The following DNAH6 variants were observed in gnomAD, a reference collection of about 807,000 sequenced individuals.
DNAH6 encodes the protein axonemal beta dynein heavy chain 6.
In DNAH6, 340 loss-of-function variants were observed where a neutral mutation model predicts 491.4. That is an observed-to-expected ratio of 0.69 (90% CI 0.63 to 0.76). The LOEUF is 0.76. Ranked by LOEUF, DNAH6 falls within the 30% of genes least tolerant of loss-of-function variation. The probability of loss-of-function intolerance (pLI) is 0.00; values close to 1 mark genes in which losing one functional copy is unlikely to be tolerated. For synonymous variants in DNAH6, 1,603 were observed against 1,686.1 expected (o/e 0.95, Z 1.21); for missense variants, 4,443 against 4,972.2 (o/e 0.89, Z 3.20).
At chr2:84,737,940 T>G (rs978424402) in intron 62 of DNAH6, among the ~76,000 whole-genome samples, 1 of 152,110 alleles carries the variant, frequency 6.6e-6, no homozygotes, top group Non-Finnish European at 1.5e-5. Context: ...TTTGAGACCT[T>G]TCTAACTTCT....
chr2:84,503,755 A>G, the DNAH6 span, among the ~76,000 whole-genome samples: 9 of 151,974 alleles, frequency 5.9e-5, 1 homozygote, highest in Non-Finnish European at 1.3e-4. Context: ...TTCCATGGAA[A>G]AGTCTCCTGG....
chr2:84,632,901 C>G (rs964330025), intron 29 of DNAH6, among the ~76,000 whole-genome samples: 1 of 152,082 alleles, frequency 6.6e-6, no homozygotes, highest in Non-Finnish European at 1.5e-5. Context: ...CCAAAGTTGC[C>G]CGTTAGTTTA....
At chr2:84,630,566 A>G (rs911750507) in intron 29 of DNAH6, among the ~76,000 whole-genome samples, 5 of 152,198 alleles carry the variant, frequency 3.3e-5, no homozygotes, top group African/African-American at 1.2e-4. Flanking sequence ...TTCAAAAATA[A>G]ATTGCATAAA....
At chr2:84,695,039 T>C (rs1695240920) in intron 46 of DNAH6, among the ~76,000 whole-genome samples, 1 of 152,162 alleles carries the variant, frequency 6.6e-6, no homozygotes, top group African/African-American at 2.4e-5. Flanking sequence ...ATAGATTTGA[T>C]GCATAAATGT....
At chr2:84,654,224 G>T in intron 34 of DNAH6, among the ~76,000 whole-genome samples, 1 of 152,082 alleles carries the variant, frequency 6.6e-6, no homozygotes, top group East Asian at 1.9e-4. Context: ...ATCCCACCAT[G>T]ATATGAATAT....
At chr2:84,569,478 T>TA (rs1235323749) in intron 11 of DNAH6, among the ~76,000 whole-genome samples, 3 of 151,948 alleles carry the variant, frequency 2.0e-5, no homozygotes, top group Non-Finnish European at 2.9e-5. Context: ...ATATAGTTCT[T>TA]AAAAAATCAA....
intron 40 of DNAH6, among the ~76,000 whole-genome samples, chr2:84,674,634 T>G (rs189395753): frequency 6.6e-6 from 1 of 152,264 alleles, no homozygotes; most frequent in Non-Finnish European, 1.5e-5. Flanking sequence ...AACAAAGCAG[T>G]CTTTTGCATA....
At chr2:84,507,722 T>C in the DNAH6 span, among the ~76,000 whole-genome samples, 1 of 152,236 alleles carries the variant, frequency 6.6e-6, no homozygotes. Flanking sequence ...ATAGCTCTTA[T>C]TATTTTGAGA....
intron 40 of DNAH6, 92 bp from the exon 41 acceptor site, chr2:84,676,913 C>T: frequency 7.1e-7 from 1 of 1,402,188 alleles, no homozygotes; most frequent in African/African-American, 1.4e-5. Flanking sequence ...AAATGTAATG[C>T]AATGCTGGCA....
chr2:84,727,342 A>G (rs1056088212), intron 60 of DNAH6, among the ~76,000 whole-genome samples: 1 of 152,156 alleles, frequency 6.6e-6, no homozygotes, highest in African/African-American at 2.4e-5. Flanking sequence ...TTCATAGTAC[A>G]GTAAGTCCTC....
intron 64 of DNAH6, among the ~76,000 whole-genome samples, chr2:84,765,545 G>T (rs1307583228): frequency 6.6e-6 from 1 of 152,046 alleles, no homozygotes; most frequent in Non-Finnish European, 1.5e-5. Flanking sequence ...GTGGTTTCAT[G>T]TAAGTGTTAA....
intron 38 of DNAH6, among the ~76,000 whole-genome samples, 172 bp from the exon 39 acceptor site, chr2:84,670,156 G>T (rs1289966112): frequency 3.3e-5 from 5 of 152,140 alleles, no homozygotes; most frequent in African/African-American, 1.2e-4. Flanking sequence ...ATATCTCTTT[G>T]GTTCTGAAAA....
chr2:84,553,157 G>A (rs1558702107), intron 10 of DNAH6, 123 bp downstream of exon 10: 4 of 626,646 alleles, frequency 6.4e-6, no homozygotes, highest in Non-Finnish European at 8.5e-6. Flanking sequence ...ATGAGAAAGA[G>A]AGAAAGCATT....
At chr2:84,509,077 A>G in the DNAH6 span, among the ~76,000 whole-genome samples, 2 of 152,154 alleles carry the variant, frequency 1.3e-5, no homozygotes, top group Non-Finnish European at 2.9e-5. Context: ...GTAGATGTCT[A>G]TTAGGTCCAC....
intron 37 of DNAH6, among the ~76,000 whole-genome samples, chr2:84,665,773 C>A (rs1692058775): frequency 6.6e-6 from 1 of 152,086 alleles, no homozygotes; most frequent in Non-Finnish European, 1.5e-5. Flanking sequence ...ATCCTGACAC[C>A]AAAGCCTGGC....
chr2:84,519,583 C>T (rs1309578324), intron 2 of DNAH6, among the ~76,000 whole-genome samples: 1 of 151,278 alleles, frequency 6.6e-6, no homozygotes, highest in African/African-American at 2.4e-5. Flanking sequence ...CTGCCTTCTC[C>T]TCTCCCTTTC....
chr2:84,816,662 G>T, intron 76 of DNAH6, among the ~76,000 whole-genome samples: 1 of 152,214 alleles, frequency 6.6e-6, no homozygotes, highest in East Asian at 1.9e-4. Flanking sequence ...GGCGGAGGTT[G>T]CAGTGAGCCA....
intron 17 of DNAH6, 89 bp downstream of exon 17, chr2:84,594,174 C>G (rs1353878919): frequency 1.0e-5 from 6 of 578,068 alleles, no homozygotes; most frequent in Non-Finnish European, 1.1e-5. Flanking sequence ...TTTTAACAAT[C>G]TGGTGCTTTT....
At position 84,621,512 on chromosome 2, in the gene DNAH6, T is replaced by G; in HGVS notation, c.4032T>G (p.His1344Gln). Residue 1344 changes from histidine (H) to glutamine (Q), a missense_variant, in exon 26 of 77, where the codon CAT becomes CAG. This residue lies in a region of DNAH6 where 2,977 missense variants were observed against 3,296.6 expected (regional missense o/e 0.90). Coordinates refer to ENST00000389394, the MANE Select transcript of DNAH6 (RefSeq NM_001370.2). Reference protein sequence around the residue: ...TECLETEHSNHIQALKNFEKV... With the variant: ...TECLETEHSNQIQALKNFEKV... ...GTCTGGAAACAGAACACAGTAATCA[T>G]ATACAGGCCCTGAAGAATTTTGAAA... 6.5e-7 allele frequency: 1 copy of G among 1,529,584 alleles called. No individual in the cohort carries two copies. The highest frequency in any genetic ancestry group is 1.2e-5 in the South Asian group (1 of 83,410). 94.8% of individuals were successfully genotyped at this position (1,529,584 alleles called of 1,614,324 possible).
Sources: gnomAD v4.1 joint callset for allele counts (sites outside exome capture counted in the v4.1 genomes callset) on GRCh38, gnomAD v4.1.1 for gene constraint, gnomAD v4.1.1 regional missense constraint, MANE v1.5 for transcripts, NCBI Gene and HGNC (gene_info 2026-07-23, HGNC 2026-07-21) for gene names.